Variants in TCF24 observed in about 807,000 individuals in gnomAD.
The protein encoded by TCF24 is transcription factor 24.
A neutral mutation model predicts 9.3 loss-of-function variants in TCF24; 5 were observed. That is an observed-to-expected ratio of 0.54 (90% CI 0.28 to 1.13). TCF24 has a LOEUF of 1.13. TCF24 is among the 50% of genes most tolerant of loss of function. The probability of loss-of-function intolerance (pLI) is 0.09; values close to 1 mark genes in which losing one functional copy is unlikely to be tolerated. For synonymous variants in TCF24, 110 were observed against 115.8 expected (o/e 0.95, Z 0.32); for missense variants, 220 against 236.1 (o/e 0.93, Z 0.45).
At chr8:66,953,928 C>A (rs1814101763) in intron 3 of TCF24, among the ~76,000 whole-genome samples, 1 of 151,612 alleles carries the variant, frequency 6.6e-6, no homozygotes, top group Non-Finnish European at 1.5e-5. Context: ...AGTTCTCGAG[C>A]CTTGGTTTTC....
chr8:66,961,916 CG>C lies in TCF24; in HGVS notation c.-64del, dbSNP rs1445592783. 3.2e-6 allele frequency: 2 copies of C among 628,574 alleles called. No homozygotes were observed. The highest frequency in any genetic ancestry group is 2.1e-4 in the East Asian group (2 of 9,642). 38.9% of individuals were successfully genotyped at this position (628,574 alleles called of 1,614,324 possible). On this transcript the variant is annotated 5_prime_UTR_variant, in exon 2 of 4. Coordinates refer to ENST00000563496, the MANE Select transcript of TCF24 (RefSeq NM_001193502.2). The stretch of plus-strand genomic sequence containing the variant: ...GGCTAAGGGCGCTCTCAAGCGAGCT[CG>C]TTTTGCCTGGGACGCGATTTGCTTC...
intron 3 of TCF24, among the ~76,000 whole-genome samples, chr8:66,953,855 A>G (rs1427405781): frequency 6.6e-6 from 1 of 151,546 alleles, no homozygotes; most frequent in Admixed American, 6.6e-5. Flanking sequence ...TTCATCTTCC[A>G]TTGCTGATAC....
chr8:66,958,187 G>C (rs1814194473), intron 3 of TCF24, among the ~76,000 whole-genome samples: 1 of 152,090 alleles, frequency 6.6e-6, no homozygotes, highest in South Asian at 2.1e-4. Context: ...ATAGAATATT[G>C]GTTAGGTTGC....
chr8:66,953,352 T>C (rs1814088713), intron 3 of TCF24, among the ~76,000 whole-genome samples: 2 of 150,320 alleles, frequency 1.3e-5, no homozygotes, highest in Non-Finnish European at 3.0e-5. Flanking sequence ...CCTTCACTTA[T>C]GAAGCTTAGT....
At chr8:66,958,240 T>G (rs1421645343) in intron 3 of TCF24, among the ~76,000 whole-genome samples, 1 of 152,204 alleles carries the variant, frequency 6.6e-6, no homozygotes, top group Non-Finnish European at 1.5e-5. Context: ...TGATTTACAT[T>G]TTCTTTTCAA....
intron 3 of TCF24, among the ~76,000 whole-genome samples, chr8:66,957,788 T>C (rs1370324063): frequency 1.3e-5 from 2 of 150,372 alleles, no homozygotes; most frequent in Non-Finnish European, 2.9e-5. Flanking sequence ...AAATTGAGAA[T>C]TATATGAACT....
chr8:66,954,793 G>A (rs180886664), intron 3 of TCF24, among the ~76,000 whole-genome samples: 2,532 of 152,128 alleles, frequency 0.017, 18 homozygotes, highest in Non-Finnish European at 0.027. Context: ...ATATAATCTC[G>A]TGGTGTGCCG....
chr8:66,957,428 A>G (rs956706644), intron 3 of TCF24, among the ~76,000 whole-genome samples: 1 of 151,864 alleles, frequency 6.6e-6, no homozygotes, highest in East Asian at 1.9e-4. Context: ...AAAAAAAAAA[A>G]AAAAAAAAGA....
intron 3 of TCF24, among the ~76,000 whole-genome samples, chr8:66,948,373 T>A (rs555853718): frequency 6.6e-6 from 1 of 152,334 alleles, no homozygotes; most frequent in South Asian, 2.1e-4. Context: ...AGACTTTGAT[T>A]AACATTTTAG....
intron 3 of TCF24, chr8:66,955,136 C>G (rs966108559): frequency 1.3e-5 from 2 of 152,286 alleles, no homozygotes; most frequent in Non-Finnish European, 2.9e-5. Flanking sequence ...TCATCTAGCT[C>G]TAACCTTTTG....
In TCF24 at chr8:66,961,665, G is replaced by A; in HGVS notation, c.101C>T (p.Pro34Leu). Residue 34 changes from proline (P) to leucine (L), a missense_variant, in exon 3 of 4, where the codon CCG becomes CTG. By Grantham distance (98) the Pro-to-Leu change is moderately conservative. Transcript: ENST00000563496. The part of the protein sequence containing the change: ...IRDSRPGRTG[P>L]GPAGPGGGSR... ...GCCGCCCCCAGGGCCCGCCGGCCCCGGCCCGGTCCGCCCGGGACGCGAGTC... is the reference window on the plus strand; with the variant it reads ...GCCGCCCCCAGGGCCCGCCGGCCCCAGCCCGGTCCGCCCGGGACGCGAGTC... The A allele has an allele frequency of 1.8e-6, 2 of 1,129,672 alleles. No homozygotes were observed. The highest frequency in any genetic ancestry group is 2.2e-6 in the Non-Finnish European group (2 of 924,106). The allele number at this position is 1,129,672 out of a possible 1,614,324, so 70.0% of individuals were successfully genotyped here. A position where few individuals can be genotyped will look rare whatever the true frequency, so the allele number is the denominator to read the frequency against.
intron 3 of TCF24, among the ~76,000 whole-genome samples, chr8:66,954,780 G>A (rs1465768019): frequency 4.6e-5 from 7 of 152,172 alleles, no homozygotes; most frequent in African/African-American, 9.7e-5. Flanking sequence ...AGCCAGGTGC[G>A]GGATATAATC....
intron 3 of TCF24, among the ~76,000 whole-genome samples, chr8:66,953,509 C>G (rs1205761485): frequency 2.6e-5 from 4 of 151,704 alleles, no homozygotes; most frequent in Admixed American, 1.3e-4. Context: ...CCCGACCTTT[C>G]TCTCTGGCTG....
intron 3 of TCF24, among the ~76,000 whole-genome samples, chr8:66,952,391 G>A: frequency 7.2e-6 from 1 of 139,430 alleles, no homozygotes. Flanking sequence ...CAGTTTCCAT[G>A]TAGTTGAGCG....
rs528143731 is a variant in TCF24, at chr8:66,958,642, CAG to C, written c.390+2732_390+2733del. 2.6e-3 allele frequency among the ~76,000 whole-genome samples: 392 copies of C among 152,278 alleles called. 2 individuals are homozygous for C. The highest frequency in any genetic ancestry group is 8.6e-3 in the African/African-American group (356 of 41,554). On this transcript the variant is annotated intron_variant, in intron 3 of 3. Coordinates refer to ENST00000563496, the MANE Select transcript of TCF24 (RefSeq NM_001193502.2). Reference sequence around the variant, plus strand: ...CACCACTGCACTCTAGCTTGGGTGACAGAGAGAGACTCCATCTCAAACAACAA... The same window carrying C: ...CACCACTGCACTCTAGCTTGGGTGACAGAGAGACTCCATCTCAAACAACAA...
At chr8:66,952,167 G>T (rs2130898315) in intron 3 of TCF24, among the ~76,000 whole-genome samples, 1 of 147,436 alleles carries the variant, frequency 6.8e-6, no homozygotes, top group East Asian at 2.0e-4. Flanking sequence ...TGCTTTTCTA[G>T]TTCTTTTAAT....
intron 3 of TCF24, among the ~76,000 whole-genome samples, chr8:66,957,895 T>TAAA (rs11299517): frequency 4.6e-4 from 20 of 43,066 alleles, no homozygotes; most frequent in Non-Finnish European, 5.2e-4. Flanking sequence ...TAAGAATTGC[T>TAAA]AAAAAAAAAA....
chr8:66,958,459 T>C (rs939820896), intron 3 of TCF24, among the ~76,000 whole-genome samples: 1 of 152,114 alleles, frequency 6.6e-6, no homozygotes, highest in African/African-American at 2.4e-5. Flanking sequence ...GGTCAGGAGA[T>C]CAAGACCATC....
rs1439873434 is a variant in TCF24 at position 66,961,421 on chromosome 8, G to A, written c.345C>T (p.Ala115=). The A allele has an allele frequency of 2.0e-6, 3 of 1,518,296 alleles. No individual in the cohort carries two copies. Among genetic ancestry groups the A allele is most frequent in the Non-Finnish European group, 1.8e-6 (2 of 1,139,442 alleles). The allele number at this position is 1,518,296 out of a possible 1,614,324, so 94.1% of individuals were successfully genotyped here. ...LQDDAEAPAD[A]GLGALRGDGY... is the part of the protein sequence containing the mutation. ...CATCGCCGCGCAGGGCGCCCAACCC[G>A]GCGTCCGCCGGCGCCTCGGCGTCGT... Residue 115 remains alanine, a synonymous_variant, in exon 3 of 4, where the codon GCC becomes GCT. Coordinates refer to ENST00000563496, the MANE Select transcript of TCF24 (RefSeq NM_001193502.2).
Sources: gnomAD v4.1 joint callset for allele counts (sites outside exome capture counted in the v4.1 genomes callset) on GRCh38, gnomAD v4.1.1 for gene constraint, MANE v1.5 for transcripts, NCBI Gene and HGNC (gene_info 2026-07-23, HGNC 2026-07-21) for gene names.